MDFI: variants seen among roughly 807,000 people sequenced by gnomAD.
MDFI encodes inhibitor of MyoD family a.
A neutral mutation model predicts 22.3 loss-of-function variants in MDFI; 16 were observed. That is an observed-to-expected ratio of 0.72 (90% CI 0.49 to 1.09). The LOEUF (loss-of-function observed/expected upper bound fraction) is 1.09, where lower values mean the gene tolerates loss of function less well. Ranked by LOEUF, MDFI falls within the 50% of genes least tolerant of loss-of-function variation. MDFI has a pLI of 0.00. For synonymous variants in MDFI, 145 were observed against 142.7 expected, an observed-to-expected ratio of 1.02 and a Z score of -0.12; for missense variants, 314 against 326.1, an observed-to-expected ratio of 0.96 and a Z score of 0.29.
At position 41,653,935 on chromosome 6, in the gene MDFI, G is replaced by C; in HGVS notation, c.*360G>C. 3.1e-6 allele frequency: 1 copy of C among 320,920 alleles called. No individual in the cohort carries two copies. Among genetic ancestry groups the C allele is most frequent in the Non-Finnish European group, 5.8e-6 (1 of 171,074 alleles). 19.9% of individuals were successfully genotyped at this position (320,920 alleles called of 1,614,324 possible). On this transcript the variant is annotated 3_prime_UTR_variant, in exon 5 of 5. Coordinates refer to ENST00000230321, the MANE Select transcript of MDFI (RefSeq NM_005586.4). This position sits in a 1 kb window ranked among gnomAD's most constrained non-coding sequence, Gnocchi z 4.2. The stretch of plus-strand genomic sequence containing the variant: ...CTGTGAAAGTTACTTGGGGAGGGTG[G>C]GCCGGTGGGGCCGTAGCTCTCTACC...
Position 41,649,668 on chromosome 6 carries a change from C to T in MDFI, c.309C>T (p.Asp103=), listed in dbSNP as rs1036145821. The change falls in exon 4 of 5, where the codon GAC becomes GAT. Residue 103 remains aspartate, a synonymous_variant. Coordinates refer to ENST00000230321, the MANE Select transcript of MDFI (RefSeq NM_005586.4). ...GCTGCACCCCACTTCTGCCGAATGACTCTGGCCACCCCTCAGAGCTGGGCG... is the reference window on the plus strand; with the variant it reads ...GCTGCACCCCACTTCTGCCGAATGATTCTGGCCACCCCTCAGAGCTGGGCG... ...PLGCTPLLPN[D]SGHPSELGGT... is the part of the protein sequence containing the mutation. 1 of 1,613,214 alleles carries T rather than the reference C, an allele frequency of 6.2e-7. No homozygotes were observed. The highest frequency in any genetic ancestry group is 8.5e-7 in the Non-Finnish European group (1 of 1,179,496).
At chr6:41,647,974 G>T (rs1453996361) in intron 3 of MDFI, among the ~76,000 whole-genome samples, 1 of 149,454 alleles carries the variant, frequency 6.7e-6, no homozygotes. Context: ...AACCCGGGAG[G>T]CGGATGTTGC....
Position 41,653,207 on chromosome 6 carries a change from ACT to A in MDFI, c.485-110_485-109del. 1 of 1,095,076 alleles carries A rather than the reference ACT, an allele frequency of 9.1e-7. No homozygotes were observed. Among genetic ancestry groups the A allele is most frequent in the East Asian group, 2.4e-5 (1 of 42,178 alleles). The allele number at this position is 1,095,076 out of a possible 1,614,324, so 67.8% of individuals were successfully genotyped here. On this transcript the variant is annotated intron_variant, in intron 4 of 4. Transcript: ENST00000230321. The surrounding 1 kb of genome is among the most constrained non-coding windows in gnomAD (Gnocchi z 4.2). ...CGTGAGCTTCAGGCACACAGTGAAC[ACT>A]CAGCGTCCCTGCTGCTGCCGCTGCC...
intron 4 of MDFI, among the ~76,000 whole-genome samples, chr6:41,650,322 G>A (rs1004380384): frequency 6.6e-6 from 1 of 152,128 alleles, no homozygotes; most frequent in Non-Finnish European, 1.5e-5. Context: ...CCAACCAGCC[G>A]ATGTGCCTAC....
intron 3 of MDFI, among the ~76,000 whole-genome samples, chr6:41,647,969 G>A (rs751285221): frequency 6.1e-5 from 9 of 147,988 alleles, no homozygotes; most frequent in Middle Eastern, 3.5e-3. Flanking sequence ...GTGTGAACCC[G>A]GGAGGCGGAT....
chr6:41,652,781 T>C (rs1768323466), intron 4 of MDFI, among the ~76,000 whole-genome samples: 2 of 152,016 alleles, frequency 1.3e-5, no homozygotes, highest in South Asian at 4.2e-4. Context: ...CACGCCCAGC[T>C]AATTTTTTGT....
At chr6:41,646,815 G>C (rs940879253) in intron 3 of MDFI, among the ~76,000 whole-genome samples, 1 of 152,190 alleles carries the variant, frequency 6.6e-6, no homozygotes, top group Non-Finnish European at 1.5e-5. Flanking sequence ...CAACAGCTGG[G>C]ATCATTTTAT....
At position 41,649,798 on chromosome 6, in the gene MDFI, A is replaced by G; in HGVS notation, c.439A>G (p.Ser147Gly). The change falls in exon 4 of 5, where the codon AGC becomes GGC. Residue 147 changes from serine (S) to glycine (G), a missense_variant. Ser to Gly is a moderately conservative substitution (Grantham distance 56). Coordinates refer to ENST00000230321, the MANE Select transcript of MDFI (RefSeq NM_005586.4). ...CCAGGGCAGCAAGAAGAGTAAGAGC[A>G]GCAGCAAATCCACCACCTCCCAGAT... ...ASQGSKKSKSSSKSTTSQIPL... is the reference protein window; with the variant it reads ...ASQGSKKSKSGSKSTTSQIPL... 6.2e-7 allele frequency: 1 copy of G among 1,614,086 alleles called. No individual in the cohort carries two copies.
Position 41,639,048 on chromosome 6 carries a change from G to A in MDFI, c.76+223G>A, listed in dbSNP as rs565482590. Among the ~76,000 whole-genome samples, 3 of 152,076 alleles carry A rather than the reference G, an allele frequency of 2.0e-5. No homozygotes were observed. In the South Asian group the frequency reaches 6.2e-4, roughly 32 times the overall value. On this transcript the variant is annotated intron_variant, in intron 2 of 4. Transcript: ENST00000230321. ...CAGAGGCTGCGGCTGCGCCAAGTTG[G>A]CTCCAACTCCCCGCAACTCCCGACA...
At chr6:41,652,884 C>G (rs143159573) in intron 4 of MDFI, among the ~76,000 whole-genome samples, 2,447 of 152,214 alleles carry the variant, frequency 0.016, 68 homozygotes, top group African/African-American at 0.054. Flanking sequence ...TCCCAAAGAG[C>G]TGGGATTACA....
intron 4 of MDFI, among the ~76,000 whole-genome samples, chr6:41,652,124 C>T (rs112444915): frequency 1.0e-3 from 156 of 152,282 alleles, no homozygotes; most frequent in African/African-American, 3.1e-3. Flanking sequence ...CAGAGCCAGC[C>T]GGTTGCGGTA....
chr6:41,649,445 C>T (rs1370422068), intron 3 of MDFI, among the ~76,000 whole-genome samples, 174 bp from the exon 4 acceptor site: 1 of 152,226 alleles, frequency 6.6e-6, no homozygotes, highest in Non-Finnish European at 1.5e-5. Context: ...CATGGCGTGG[C>T]TCTGGACTAG....
chr6:41,649,020 G>A (rs1004554521), intron 3 of MDFI, among the ~76,000 whole-genome samples: 9 of 152,190 alleles, frequency 5.9e-5, no homozygotes, highest in Non-Finnish European at 1.0e-4. Context: ...GCAGGATGGG[G>A]TTGAGGGTGC....
Position 41,653,275 on chromosome 6 carries a change from C to T in MDFI, c.485-44C>T. The T allele has an allele frequency of 6.3e-7, 1 of 1,592,688 alleles. No homozygotes were observed. The highest frequency in any genetic ancestry group is 8.6e-7 in the Non-Finnish European group (1 of 1,167,360). On this transcript the variant is annotated intron_variant, in intron 4 of 4. Coordinates refer to ENST00000230321, the MANE Select transcript of MDFI (RefSeq NM_005586.4). This position sits in a 1 kb window ranked among gnomAD's most constrained non-coding sequence, Gnocchi z 4.2. ...CCCGGCTATTTCACACACGCTCATC[C>T]CTCCCCTCTCTCACCCGTCCCCCTC...
chr6:41,648,502 C>T (rs1466100937), intron 3 of MDFI, among the ~76,000 whole-genome samples: 1 of 152,336 alleles, frequency 6.6e-6, no homozygotes, highest in Middle Eastern at 3.4e-3. Flanking sequence ...GCCACCCTCC[C>T]CTCTCCTTGG....
intron 4 of MDFI, among the ~76,000 whole-genome samples, chr6:41,652,956 G>T (rs1208061455): frequency 6.6e-6 from 1 of 152,154 alleles, no homozygotes; most frequent in East Asian, 1.9e-4. Flanking sequence ...TGTAGAGTGG[G>T]GCTAGTAAAG....
At position 41,646,246 on chromosome 6, in the gene MDFI, G is replaced by T. The variant is rs200978968; in HGVS notation, c.197G>T (p.Gly66Val). ...GCAACCCCCATGCCCCAAGGCAATG[G>T]CCCTGGCATCCCCCAGGGCCTGGAC... ...EAATPMPQGN[G>V]PGIPQGLDST... Residue 66 changes from glycine (G) to valine (V), a missense_variant, in exon 3 of 5, where the codon GGC (glycine) becomes GTC (valine). Transcript: ENST00000230321. 8 of 1,578,770 alleles carry T rather than the reference G, an allele frequency of 5.1e-6. No individual in the cohort carries two copies. Among genetic ancestry groups the T allele is most frequent in the Non-Finnish European group, 6.9e-6 (8 of 1,163,802 alleles).
In MDFI at chr6:41,638,597, A is replaced by G; in HGVS notation, c.-67A>G. On this transcript the variant is annotated 5_prime_UTR_variant, in exon 1 of 5. It removes an upstream start codon present in the reference 5' UTR. Transcript: ENST00000230321. The surrounding 1 kb of genome is among the most constrained non-coding windows in gnomAD (Gnocchi z 7.6). ...GCAGGGGCGCCCGGAGCAGGCGCGC[A>G]TGGCGGGCCCCGCGCGGGGATCCGG... 1 of 883,334 alleles carries G rather than the reference A, an allele frequency of 1.1e-6. No individual in the cohort carries two copies. Among genetic ancestry groups the G allele is most frequent in the Non-Finnish European group, 1.7e-6 (1 of 605,706 alleles). 54.7% of individuals were successfully genotyped at this position (883,334 alleles called of 1,614,324 possible).
chr6:41,640,012 G>A (rs978807242), intron 2 of MDFI: 33 of 840,604 alleles, frequency 3.9e-5, no homozygotes, highest in Non-Finnish European at 4.6e-5. Context: ...ACATAGATGA[G>A]GCCAGTGTGT....
Sources: gnomAD v4.1 joint callset for allele counts (sites outside exome capture counted in the v4.1 genomes callset) on GRCh38, gnomAD v4.1.1 for gene constraint, Gnocchi (gnomAD v3.1) non-coding constraint, MANE v1.5 for transcripts, NCBI Gene and HGNC (gene_info 2026-07-23, HGNC 2026-07-21) for gene names.